The following RAD51AP2 variants were observed in gnomAD, a reference collection of about 807,000 sequenced individuals.
The protein encoded by RAD51AP2 is RAD51-associated protein 2.
RAD51AP2 carries 67 observed loss-of-function variants against 85.5 expected under a neutral mutation model. That is an observed-to-expected ratio of 0.78 (90% CI 0.64 to 0.96). The LOEUF (loss-of-function observed/expected upper bound fraction) is 0.96, where lower values mean the gene tolerates loss of function less well. RAD51AP2 is among the 40% of genes least tolerant of loss of function. The probability of loss-of-function intolerance (pLI) is 0.00; values close to 1 mark genes in which losing one functional copy is unlikely to be tolerated. For missense variants in RAD51AP2, 1,307 were observed against 1,332.4 expected, an observed-to-expected ratio of 0.98 and a Z score of 0.30; for synonymous variants, 474 against 446.5, an observed-to-expected ratio of 1.06 and a Z score of -0.78.
At chr2:17,536,820 T>A in the RAD51AP2 span, among the ~76,000 whole-genome samples, 1 of 152,196 alleles carries the variant, frequency 6.6e-6, no homozygotes, top group African/African-American at 2.4e-5. Flanking sequence ...ACCCATTAAC[T>A]GCATGGGAAT....
At chr2:17,532,970 A>C in the RAD51AP2 span, among the ~76,000 whole-genome samples, 1 of 152,240 alleles carries the variant, frequency 6.6e-6, no homozygotes, top group Admixed American at 6.5e-5. Flanking sequence ...GACAATACTA[A>C]AATCAGTAAA....
At chr2:17,524,816 T>C in the RAD51AP2 span, among the ~76,000 whole-genome samples, 1 of 151,788 alleles carries the variant, frequency 6.6e-6, no homozygotes, top group Non-Finnish European at 1.5e-5. Flanking sequence ...ATAAGTACTG[T>C]AAAAAATAAA....
chr2:17,515,601 T>TC lies in RAD51AP2; in HGVS notation c.2814dup (p.Asn939GlufsTer2), dbSNP rs763482167. On this transcript the variant is annotated frameshift_variant, in exon 1 of 3. Transcript: ENST00000399080. LOFTEE classifies it high-confidence loss of function. The stretch of plus-strand genomic sequence containing the variant: ...GCTAAGTCCTGAAAACATTCATCAT[T>TC]CCCTTCACTCAGACCAGTTTCAAAT... 36 of 1,610,088 alleles carry TC rather than the reference T, an allele frequency of 2.2e-5. No individual in the cohort carries two copies. The highest frequency in any genetic ancestry group is 2.9e-5 in the Non-Finnish European group (34 of 1,178,414).
chr2:17,526,050 C>A, the RAD51AP2 span, among the ~76,000 whole-genome samples: 1 of 151,290 alleles, frequency 6.6e-6, no homozygotes, highest in Non-Finnish European at 1.5e-5. Flanking sequence ...TATTTCCAAG[C>A]CATGCTAATT....
At position 17,515,777 on chromosome 2, in the gene RAD51AP2, CTTA is replaced by C; in HGVS notation, c.2636_2638del (p.Ile879del). Reference sequence around the variant, plus strand: ...ATTTTCTTCCACATTTACTTCCTTACTTATTAATGAAACTGACTGTACAGAAAA... The same window carrying C: ...ATTTTCTTCCACATTTACTTCCTTACTTAATGAAACTGACTGTACAGAAAA... On this transcript the variant is annotated inframe_deletion, in exon 1 of 3. Transcript: ENST00000399080. 1.3e-6 allele frequency: 2 copies of C among 1,598,096 alleles called. No homozygotes were observed. Among genetic ancestry groups the C allele is most frequent in the Non-Finnish European group, 1.7e-6 (2 of 1,171,002 alleles).
chr2:17,519,566 C>A (rs143195502), upstream of RAD51AP2, among the ~76,000 whole-genome samples: 1 of 152,080 alleles, frequency 6.6e-6, no homozygotes, highest in Non-Finnish European at 1.5e-5. Flanking sequence ...ATATAACTAG[C>A]CTTCTACTTT....
chr2:17,514,012 C>T lies in RAD51AP2; in HGVS notation c.3328G>A (p.Gly1110Ser). 1 of 1,492,910 alleles carries T rather than the reference C, an allele frequency of 6.7e-7. No homozygotes were observed. Among genetic ancestry groups the T allele is most frequent in the Non-Finnish European group, 9.3e-7 (1 of 1,073,666 alleles). The allele number at this position is 1,492,910 out of a possible 1,614,324, so 92.5% of individuals were successfully genotyped here. ...TCCTAAAAAGTAACCACAATGTTAC[C>T]TCCTCTCAATAAATAATTAAATTCT... is the stretch of plus-strand genomic sequence containing the variant. ...KEEFNYLLRG[G>S]SHFPHGISRV... Residue 1110 changes from glycine (G) to serine (S), a missense_variant and splice_region_variant, in exon 2 of 3, where the codon GGT (glycine) becomes AGT (serine). Transcript: ENST00000399080.
rs140673266 is a variant in RAD51AP2, at chr2:17,515,535, C to T, written c.2881G>A (p.Asp961Asn). The change falls in exon 1 of 3, where the codon GAT becomes AAT. Residue 961 changes from aspartate to asparagine, a missense_variant. Physicochemically the swap from Asp to Asn is conservative, Grantham distance 23. Transcript: ENST00000399080. ...TCAAATTTTCTCTTCATCTCAAAAT[C>T]TTTTACTATTGTCAGAGCTTCTGTT... is the stretch of plus-strand genomic sequence containing the variant. The part of the protein sequence containing the change: ...LSTEALTIVK[D>N]FEMKRKFDLV... 1 of 1,608,652 alleles carries T rather than the reference C, an allele frequency of 6.2e-7. No homozygotes were observed. The highest frequency in any genetic ancestry group is 8.5e-7 in the Non-Finnish European group (1 of 1,178,556).
At chr2:17,531,854 C>A in the RAD51AP2 span, among the ~76,000 whole-genome samples, 2 of 152,144 alleles carry the variant, frequency 1.3e-5, no homozygotes, top group Non-Finnish European at 1.5e-5. Flanking sequence ...TTCTTAGATG[C>A]CCAATATCTT....
chr2:17,535,048 A>G, the RAD51AP2 span, among the ~76,000 whole-genome samples: 1 of 152,230 alleles, frequency 6.6e-6, no homozygotes. Flanking sequence ...GTTTAAATAG[A>G]GCTTCCTAGT....
chr2:17,534,720 C>T, the RAD51AP2 span, among the ~76,000 whole-genome samples: 1 of 152,232 alleles, frequency 6.6e-6, no homozygotes, highest in Non-Finnish European at 1.5e-5. Context: ...TATAGTTCTA[C>T]ACTTGTAATT....
chr2:17,519,265 GT>G (rs550904037), upstream of RAD51AP2, among the ~76,000 whole-genome samples: 866 of 142,720 alleles, frequency 6.1e-3, 10 homozygotes, highest in African/African-American at 0.019. Context: ...GCTATTTCTT[GT>G]TTTTTTTTTT....
At chr2:17,535,017 T>C in the RAD51AP2 span, among the ~76,000 whole-genome samples, 1 of 152,228 alleles carries the variant, frequency 6.6e-6, no homozygotes, top group Non-Finnish European at 1.5e-5. Context: ...ATAGATGTAT[T>C]GTCATTATAT....
the RAD51AP2 span, among the ~76,000 whole-genome samples, chr2:17,533,153 A>AT: frequency 3.3e-5 from 5 of 152,174 alleles, no homozygotes; most frequent in Admixed American, 3.3e-4. Flanking sequence ...GGCTACAGCC[A>AT]TTACCTGTAC....
At chr2:17,535,533 A>G in the RAD51AP2 span, among the ~76,000 whole-genome samples, 1 of 152,232 alleles carries the variant, frequency 6.6e-6, no homozygotes, top group South Asian at 2.1e-4. Flanking sequence ...ATACAGTGGC[A>G]GTGAGGAATG....
upstream of RAD51AP2, among the ~76,000 whole-genome samples, chr2:17,520,100 T>G (rs183308429): frequency 7.9e-5 from 12 of 152,216 alleles, no homozygotes; most frequent in Admixed American, 5.9e-4. Context: ...AAAATTCAAA[T>G]AAAACCCAGA....
chr2:17,529,344 G>A, the RAD51AP2 span, among the ~76,000 whole-genome samples: 2 of 151,534 alleles, frequency 1.3e-5, no homozygotes, highest in African/African-American at 2.4e-5. Flanking sequence ...GGTTCTGTAA[G>A]TGCAGAATTA....
At chr2:17,522,434 T>C (rs189115592), upstream of RAD51AP2, among the ~76,000 whole-genome samples, 8 of 152,168 alleles carry the variant, frequency 5.3e-5, no homozygotes, top group Non-Finnish European at 1.0e-4. Context: ...ACAGTTTTAT[T>C]TGCTAACCTT....
chr2:17,514,257 C>T (rs553639920), intron 1 of RAD51AP2, among the ~76,000 whole-genome samples, 165 bp from the exon 2 acceptor site: 1 of 152,206 alleles, frequency 6.6e-6, no homozygotes, highest in South Asian at 2.1e-4. Context: ...AACTTGTTTC[C>T]TTCAACTTCA....
Sources: allele counts gnomAD v4.1 joint callset (sites outside exome capture counted in the v4.1 genomes callset), GRCh38; gene constraint gnomAD v4.1.1; transcripts MANE v1.5; gene names NCBI Gene and HGNC (gene_info 2026-07-23, HGNC 2026-07-21).